The following FGFR1OP2 variants were observed in gnomAD, a reference collection of about 807,000 sequenced individuals.
The protein encoded by FGFR1OP2 is FGFR1 oncogene partner 2, also known as fibroblast growth factor receptor 1 oncogene partner 2.
Under a neutral mutation model 35.2 loss-of-function variants are expected in FGFR1OP2, and 17 were observed. That is an observed-to-expected ratio of 0.48 (90% CI 0.33 to 0.73). The LOEUF is 0.73. Ranked by LOEUF, FGFR1OP2 falls within the 30% of genes least tolerant of loss-of-function variation. FGFR1OP2 has a pLI of 0.02. For missense variants in FGFR1OP2, 251 were observed against 307.3 expected (o/e 0.82, Z 1.37); for synonymous variants, 105 against 104.6 (o/e 1.00, Z -0.03).
Position 26,938,676 on chromosome 12 carries a change from G to C in FGFR1OP2, c.-49G>C, listed in dbSNP as rs1461513001. On this transcript the variant is annotated 5_prime_UTR_variant, in exon 1 of 7. Transcript: ENST00000229395. ...TTGGTAGAGGGTTTGAGTCCGCATC[G>C]CCACAGCTGAAGGCTGCGAGGGACT... The C allele has an allele frequency of 6.6e-6, 1 of 152,454 alleles. No homozygotes were observed. The highest frequency in any genetic ancestry group is 1.5e-5 in the Non-Finnish European group (1 of 68,192). 9.4% of individuals were successfully genotyped at this position (152,454 alleles called of 1,614,324 possible).
At chr12:26,955,701 T>C (rs1939007718) in intron 2 of FGFR1OP2, among the ~76,000 whole-genome samples, 1 of 152,266 alleles carries the variant, frequency 6.6e-6, no homozygotes, top group Admixed American at 6.5e-5. Context: ...ATACAGCACA[T>C]TGTGCTTATC....
At chr12:26,952,083 C>T (rs1423549546) in intron 1 of FGFR1OP2, among the ~76,000 whole-genome samples, 16 of 141,152 alleles carry the variant, frequency 1.1e-4, no homozygotes, top group Admixed American at 2.2e-4. Context: ...AGTCAGTGCC[C>T]GTCCTTTTTT....
chr12:26,943,802 T>A (rs1938776494), intron 1 of FGFR1OP2, among the ~76,000 whole-genome samples: 1 of 152,158 alleles, frequency 6.6e-6, no homozygotes, highest in African/African-American at 2.4e-5. Context: ...TCCAGCAGCC[T>A]GGGCGACAGA....
intron 2 of FGFR1OP2, among the ~76,000 whole-genome samples, chr12:26,956,062 A>G (rs990313167): frequency 2.0e-5 from 3 of 151,918 alleles, no homozygotes; most frequent in Non-Finnish European, 4.4e-5. Flanking sequence ...CGTTAGCATT[A>G]GTGTATTTTA....
Position 26,965,489 on chromosome 12 carries a change from G to A in FGFR1OP2, c.*756G>A, listed in dbSNP as rs1017130021. The A allele has an allele frequency of 2.6e-5, 4 of 152,392 alleles. No individual in the cohort carries two copies. Among genetic ancestry groups the A allele is most frequent in the Non-Finnish European group, 2.9e-5 (2 of 67,930 alleles). The allele number at this position is 152,392 out of a possible 1,614,324, so 9.4% of individuals were successfully genotyped here. ...TTGGTTCAAAGTCAATAATGAAGAC[G>A]AGATTTGTTTTTCTCTTCTCTGGCT... On this transcript the variant is annotated 3_prime_UTR_variant, in exon 7 of 7. Transcript: ENST00000229395.
intron 1 of FGFR1OP2, among the ~76,000 whole-genome samples, chr12:26,939,263 G>A (rs1291893390): frequency 6.6e-6 from 1 of 151,566 alleles, no homozygotes; most frequent in Non-Finnish European, 1.5e-5. Flanking sequence ...AATTAGTGCG[G>A]TTGCCCCCTC....
In FGFR1OP2 at chr12:26,943,739, C is replaced by G. The variant is rs564514265; in HGVS notation, c.-15+5029C>G. 2.0e-5 allele frequency among the ~76,000 whole-genome samples: 3 copies of G among 152,228 alleles called. No homozygotes were observed. In the South Asian group the frequency reaches 6.2e-4, roughly 32 times the overall value. On this transcript the variant is annotated intron_variant, in intron 1 of 6. Transcript: ENST00000229395. Reference sequence around the variant, plus strand: ...ACTCTGGAGGCTGAGGCAAGAGAATCGCTTGAACCCAGGAGGCGGAGGTTC... The same window carrying G: ...ACTCTGGAGGCTGAGGCAAGAGAATGGCTTGAACCCAGGAGGCGGAGGTTC...
intron 4 of FGFR1OP2, among the ~76,000 whole-genome samples, chr12:26,959,363 A>G (rs1939070199): frequency 6.6e-6 from 1 of 152,134 alleles, no homozygotes; most frequent in Non-Finnish European, 1.5e-5. Context: ...GACTTTTTAA[A>G]GGCACTAAAA....
intron 1 of FGFR1OP2, among the ~76,000 whole-genome samples, chr12:26,939,020 C>T (rs1938647737): frequency 6.6e-6 from 1 of 152,194 alleles, no homozygotes; most frequent in Admixed American, 6.5e-5. Flanking sequence ...CACCACCGGA[C>T]GGGGGACCCT....
intron 1 of FGFR1OP2, among the ~76,000 whole-genome samples, chr12:26,945,677 G>A (rs766705411): frequency 6.6e-6 from 1 of 152,004 alleles, no homozygotes; most frequent in Non-Finnish European, 1.5e-5. Flanking sequence ...CCTGGCCAAC[G>A]TGGTGAAACC....
At chr12:26,939,343 C>T (rs990022711) in intron 1 of FGFR1OP2, among the ~76,000 whole-genome samples, 2 of 150,396 alleles carry the variant, frequency 1.3e-5, no homozygotes, top group Admixed American at 1.3e-4. Context: ...ACATATTTAT[C>T]TCTGTCCTTT....
At chr12:26,951,201 AG>A (rs1485966269) in intron 1 of FGFR1OP2, among the ~76,000 whole-genome samples, 1 of 151,532 alleles carries the variant, frequency 6.6e-6, no homozygotes, top group Non-Finnish European at 1.5e-5. Flanking sequence ...CCCAGGCTGG[AG>A]TGCAGTGGTG....
chr12:26,954,248 T>A lies in FGFR1OP2; in HGVS notation c.90T>A (p.Ile30=). The change falls in exon 2 of 7, where the codon ATT becomes ATA. Residue 30 remains isoleucine (I), a synonymous_variant. Transcript: ENST00000229395. ...RDHDDAAESL[I]EQTTALNKRV... ...ATGACGATGCAGCAGAATCTCTGAT[T>A]GAGCAAACCACAGCTCTCAACAAGC... 2 of 1,612,304 alleles carry A rather than the reference T, an allele frequency of 1.2e-6. No individual in the cohort carries two copies. The highest frequency in any genetic ancestry group is 4.5e-5 in the East Asian group (2 of 44,818).
intron 1 of FGFR1OP2, among the ~76,000 whole-genome samples, chr12:26,947,946 T>C (rs1938856036): frequency 6.6e-6 from 1 of 152,176 alleles, no homozygotes; most frequent in South Asian, 2.1e-4. Flanking sequence ...TTTTAATTCA[T>C]TTCAATTAAT....
In FGFR1OP2 at chr12:26,964,636, G is replaced by C. The variant is rs1458752408; in HGVS notation, c.665G>C (p.Arg222Pro). ...TTGAGAGAGATCCTTCAAATAACTCGAGAATCATTTTTGAACCTAAGGAAA... is the reference window on the plus strand; with the variant it reads ...TTGAGAGAGATCCTTCAAATAACTCCAGAATCATTTTTGAACCTAAGGAAA... ...KGLREILQITRESFLNLRKDD... is the reference protein window; with the variant it reads ...KGLREILQITPESFLNLRKDD... The change falls in exon 7 of 7, where the codon CGA becomes CCA. Residue 222 changes from arginine to proline, a missense_variant. Transcript: ENST00000229395. 6.2e-7 allele frequency: 1 copy of C among 1,612,970 alleles called. No homozygotes were observed. Among genetic ancestry groups the C allele is most frequent in the Non-Finnish European group, 8.5e-7 (1 of 1,179,366 alleles).
chr12:26,945,560 A>G (rs1938806460), intron 1 of FGFR1OP2, among the ~76,000 whole-genome samples: 2 of 152,168 alleles, frequency 1.3e-5, no homozygotes, highest in African/African-American at 4.8e-5. Context: ...CATTATAATC[A>G]GAGAGCATAA....
intron 1 of FGFR1OP2, among the ~76,000 whole-genome samples, chr12:26,943,180 A>G (rs1486452264): frequency 6.6e-6 from 1 of 152,198 alleles, no homozygotes; most frequent in African/African-American, 2.4e-5. Context: ...CAGTTCTTCC[A>G]ACACCATTTG....
intron 1 of FGFR1OP2, 30 bp from the exon 2 acceptor site, chr12:26,954,115 T>C (rs1938981087): frequency 6.8e-7 from 1 of 1,480,542 alleles, no homozygotes; most frequent in African/African-American, 1.4e-5. Flanking sequence ...TTGACTTTAT[T>C]TTGAGTCTTG....
intron 1 of FGFR1OP2, among the ~76,000 whole-genome samples, chr12:26,942,839 A>G (rs1336534080): frequency 6.6e-6 from 1 of 152,140 alleles, no homozygotes; most frequent in Non-Finnish European, 1.5e-5. Flanking sequence ...TATTCTAGAT[A>G]CAAGTCCTTA....
Sources: gnomAD v4.1 joint callset for allele counts (sites outside exome capture counted in the v4.1 genomes callset) on GRCh38, gnomAD v4.1.1 for gene constraint, MANE v1.5 for transcripts, NCBI Gene and HGNC (gene_info 2026-07-23, HGNC 2026-07-21) for gene names.